Variants in TEC observed in about 807,000 individuals in gnomAD.
TEC encodes tyrosine-protein kinase Tec.
TEC carries 72 observed loss-of-function variants against 93.0 expected under a neutral mutation model. That is an observed-to-expected ratio of 0.77 (90% CI 0.64 to 0.94). The LOEUF (loss-of-function observed/expected upper bound fraction) is 0.94. TEC is among the 40% of genes least tolerant of loss of function. The pLI is 0.00. For synonymous variants in TEC, 249 were observed against 247.7 expected, an observed-to-expected ratio of 1.01 and a Z score of -0.05; for missense variants, 630 against 757.9, an observed-to-expected ratio of 0.83 and a Z score of 1.98.
chr4:48,179,439 A>G (rs1314539128), intron 2 of TEC, among the ~76,000 whole-genome samples: 1 of 122,708 alleles, frequency 8.1e-6, no homozygotes, highest in African/African-American at 3.2e-5. Flanking sequence ...GCTGGAGTGG[A>G]GTGCAGTGGT....
rs571949666 is a variant in TEC, at chr4:48,245,016, C to T, written c.-45-16357G>A. Among the ~76,000 whole-genome samples, 8 of 152,224 alleles carry T rather than the reference C, an allele frequency of 5.3e-5. No individual in the cohort carries two copies. In the South Asian group the frequency reaches 1.5e-3, roughly 28 times the overall value. On this transcript the variant is annotated intron_variant, in intron 1 of 17. Coordinates refer to ENST00000381501, the MANE Select transcript of TEC (RefSeq NM_003215.3). The stretch of plus-strand genomic sequence containing the variant: ...ATATCTTAATCTTTAAAAATTAGGC[C>T]GAGCACAGTGGCTCACGCCTGTAAC...
intron 2 of TEC, among the ~76,000 whole-genome samples, chr4:48,212,193 C>G (rs183460945): frequency 6.0e-5 from 9 of 150,282 alleles, no homozygotes; most frequent in Admixed American, 4.7e-4. Flanking sequence ...CTGCACAATT[C>G]TAATTTACTT....
At chr4:48,156,076 T>C (rs1240394004) in intron 9 of TEC, among the ~76,000 whole-genome samples, 1 of 152,204 alleles carries the variant, frequency 6.6e-6, no homozygotes, top group African/African-American at 2.4e-5. Flanking sequence ...TTTTCTTTTG[T>C]AACAGGACAT....
At chr4:48,244,395 G>C (rs1272156753) in intron 1 of TEC, among the ~76,000 whole-genome samples, 1 of 152,174 alleles carries the variant, frequency 6.6e-6, no homozygotes, top group Non-Finnish European at 1.5e-5. Flanking sequence ...CGTGGATGGC[G>C]GCAGGCAAAG....
At position 48,202,033 on chromosome 4, in the gene TEC, T is replaced by C. The variant is rs1407649325; in HGVS notation, c.139-25847A>G. On this transcript the variant is annotated intron_variant, in intron 2 of 17. Transcript: ENST00000381501. ...GTGCAGTGGCGGGATCTCGGCTCAC[T>C]GCAAGCTCTGCCTCCCGGGTTCACG... Among the ~76,000 whole-genome samples the C allele has an allele frequency of 5.7e-4, 84 of 146,556 alleles. 1 individual carries two copies. In the East Asian group the frequency reaches 0.017, roughly 29 times the overall value.
At chr4:48,141,593 GA>G in intron 14 of TEC, 174 bp from the exon 15 acceptor site, 4 of 516,092 alleles carry the variant, frequency 7.8e-6, no homozygotes, top group Non-Finnish European at 1.3e-5. Context: ...TTGTGTATTT[GA>G]AAAAAATGAA....
intron 2 of TEC, among the ~76,000 whole-genome samples, chr4:48,197,270 C>T (rs1031981218): frequency 1.3e-5 from 2 of 152,202 alleles, no homozygotes; most frequent in African/African-American, 4.8e-5. Flanking sequence ...GGTCCCAGCT[C>T]TGCCACATGC....
intron 11 of TEC, among the ~76,000 whole-genome samples, chr4:48,146,770 C>T (rs754457224): frequency 2.0e-5 from 3 of 152,122 alleles, no homozygotes; most frequent in Non-Finnish European, 4.4e-5. Context: ...TCTTAGCATA[C>T]AAATCGGGCT....
chr4:48,198,990 A>G (rs999623302), intron 2 of TEC, among the ~76,000 whole-genome samples: 7 of 151,866 alleles, frequency 4.6e-5, no homozygotes, highest in Non-Finnish European at 8.8e-5. Context: ...TTTGAAGCCA[A>G]TGGACAGAAA....
chr4:48,194,993 A>G (rs1016815881), intron 2 of TEC, among the ~76,000 whole-genome samples: 1 of 152,200 alleles, frequency 6.6e-6, no homozygotes, highest in African/African-American at 2.4e-5. Flanking sequence ...AATTTCTTCC[A>G]CTGACTGAGT....
At chr4:48,144,930 C>T (rs1391473500) in intron 14 of TEC, 149 bp downstream of exon 14, 2 of 665,432 alleles carry the variant, frequency 3.0e-6, no homozygotes, top group African/African-American at 3.6e-5. Flanking sequence ...TTTAAAATTA[C>T]AGGGCAAGTT....
At chr4:48,217,701 G>A (rs1723126629) in intron 2 of TEC, among the ~76,000 whole-genome samples, 1 of 152,100 alleles carries the variant, frequency 6.6e-6, no homozygotes, top group Non-Finnish European at 1.5e-5. Flanking sequence ...CCAACTGAAT[G>A]CAATGTGTGA....
intron 1 of TEC, among the ~76,000 whole-genome samples, chr4:48,265,389 G>A (rs1188419020): frequency 6.8e-6 from 1 of 147,764 alleles, no homozygotes; most frequent in Non-Finnish European, 1.5e-5. Flanking sequence ...ATATATATAT[G>A]TGTGTGTATA....
chr4:48,190,620 A>G (rs1722060811), intron 2 of TEC, among the ~76,000 whole-genome samples: 1 of 152,228 alleles, frequency 6.6e-6, no homozygotes, highest in Non-Finnish European at 1.5e-5. Context: ...GAGGCAAGAA[A>G]TAGAAAGATA....
At chr4:48,218,110 AAC>A (rs1723138824) in intron 2 of TEC, among the ~76,000 whole-genome samples, 1 of 152,220 alleles carries the variant, frequency 6.6e-6, no homozygotes, top group African/African-American at 2.4e-5. Context: ...GTAGAATAAA[AAC>A]ACAGATATGA....
chr4:48,184,359 T>C (rs1369399939), intron 2 of TEC, among the ~76,000 whole-genome samples: 2 of 152,222 alleles, frequency 1.3e-5, no homozygotes, highest in Admixed American at 6.5e-5. Flanking sequence ...CTTAAACTTA[T>C]AGCTTGTATA....
At position 48,188,497 on chromosome 4, in the gene TEC, CAAG is replaced by C. The variant is rs1560399490; in HGVS notation, c.139-12314_139-12312del. Among the ~76,000 whole-genome samples the C allele has an allele frequency of 7.9e-5, 12 of 152,102 alleles. No homozygotes were observed. In the South Asian group the frequency reaches 1.9e-3, roughly 24 times the overall value. On this transcript the variant is annotated intron_variant, in intron 2 of 17. Transcript: ENST00000381501. The stretch of plus-strand genomic sequence containing the variant: ...TAATTTTTTCCATGCTCACTGCCAA[CAAG>C]AAGAAGCAAACCTTCTTCCCAGTCA...
At chr4:48,201,697 A>G (rs1252678493) in intron 2 of TEC, among the ~76,000 whole-genome samples, 10 of 152,226 alleles carry the variant, frequency 6.6e-5, no homozygotes, top group Non-Finnish European at 1.3e-4. Context: ...ACAGACAGCC[A>G]GAAGGAGGCT....
chr4:48,236,657 T>C (rs1166638848), intron 1 of TEC, among the ~76,000 whole-genome samples: 2 of 152,116 alleles, frequency 1.3e-5, no homozygotes, highest in African/African-American at 4.8e-5. Context: ...AACACAAGAG[T>C]ACTATTCCCT....
Sources: gnomAD v4.1 joint callset for allele counts (sites outside exome capture counted in the v4.1 genomes callset) on GRCh38, gnomAD v4.1.1 for gene constraint, MANE v1.5 for transcripts, NCBI Gene and HGNC (gene_info 2026-07-23, HGNC 2026-07-21) for gene names.